RELL1: variants seen among roughly 807,000 people sequenced by gnomAD.
The protein encoded by RELL1 is RELT-like protein 1.
Under a neutral mutation model 23.0 loss-of-function variants are expected in RELL1, and 10 were observed. The observed-to-expected ratio is 0.43, with a 90% confidence interval of 0.27 to 0.74. The LOEUF is 0.74. RELL1 is among the 30% of genes least tolerant of loss of function. RELL1 has a pLI of 0.19. For synonymous variants in RELL1, 146 were observed against 146.8 expected, an observed-to-expected ratio of 0.99 and a Z score of 0.04; for missense variants, 315 against 364.4, an observed-to-expected ratio of 0.86 and a Z score of 1.10.
chr4:37,665,716 T>C (rs1721508653), intron 1 of RELL1, among the ~76,000 whole-genome samples: 3 of 152,188 alleles, frequency 2.0e-5, no homozygotes, highest in Admixed American at 6.5e-5. Flanking sequence ...CTGTCTCCAG[T>C]AGCAACGGGA....
At chr4:37,636,814 G>A (rs1212281947) in intron 4 of RELL1, among the ~76,000 whole-genome samples, 1 of 152,074 alleles carries the variant, frequency 6.6e-6, no homozygotes, top group Non-Finnish European at 1.5e-5. Flanking sequence ...ACACACAGGA[G>A]GCTGTGATGG....
At chr4:37,656,292 C>A (rs1042760814) in intron 1 of RELL1, among the ~76,000 whole-genome samples, 2 of 152,110 alleles carry the variant, frequency 1.3e-5, no homozygotes, top group African/African-American at 4.8e-5. Context: ...TATATGGTAT[C>A]TAAAATAGTC....
rs76196425 is a variant in RELL1, at chr4:37,667,125, C to T, written c.89-17625G>A. 7.1e-3 allele frequency among the ~76,000 whole-genome samples: 1,079 copies of T among 152,066 alleles called. 14 individuals are homozygous for T. Among genetic ancestry groups the T allele is most frequent in the African/African-American group, 0.025 (1,019 of 41,464 alleles). On this transcript the variant is annotated intron_variant, in intron 1 of 6. Coordinates refer to ENST00000454158, the MANE Select transcript of RELL1 (RefSeq NM_001085400.2). ...CAGAAGTAACCAGGAAAACCCTAGA[C>T]GTAGGGAAGTCAATGTTAAAGAAGA...
intron 4 of RELL1, 33 bp downstream of exon 4, chr4:37,638,414 T>C (rs1418263752): frequency 1.9e-6 from 3 of 1,542,360 alleles, no homozygotes; most frequent in Admixed American, 1.8e-5. Flanking sequence ...ACTGAAAAGA[T>C]GTCGCACTAA....
At chr4:37,590,314 G>C, downstream of RELL1, 1 of 1,613,896 alleles carries the variant, frequency 6.2e-7, no homozygotes, top group Non-Finnish European at 8.5e-7. Flanking sequence ...GCTCCCACAG[G>C]GGGACGCTGG....
At chr4:37,622,024 A>G (rs1254684489) in intron 6 of RELL1, among the ~76,000 whole-genome samples, 1 of 152,186 alleles carries the variant, frequency 6.6e-6, no homozygotes, top group East Asian at 1.9e-4. Context: ...TACTGGAGCC[A>G]CTCCCAACAA....
intron 1 of RELL1, among the ~76,000 whole-genome samples, chr4:37,657,377 A>G (rs1023685724): frequency 6.6e-6 from 1 of 152,078 alleles, no homozygotes; most frequent in Non-Finnish European, 1.5e-5. Flanking sequence ...CAAGGAGGGT[A>G]GGGTAGTTCA....
downstream of RELL1, chr4:37,588,865 C>G: frequency 6.2e-7 from 1 of 1,612,620 alleles, no homozygotes; most frequent in Non-Finnish European, 8.5e-7. Context: ...GAAAACAATC[C>G]AGATGGGGTG....
intron 1 of RELL1, among the ~76,000 whole-genome samples, chr4:37,672,836 T>G (rs1277943863): frequency 6.6e-6 from 1 of 152,202 alleles, no homozygotes; most frequent in Non-Finnish European, 1.5e-5. Flanking sequence ...GATTTACAAA[T>G]CATCCCAATG....
At chr4:37,653,086 A>C (rs943581096) in intron 1 of RELL1, among the ~76,000 whole-genome samples, 1 of 152,222 alleles carries the variant, frequency 6.6e-6, no homozygotes, top group African/African-American at 2.4e-5. Context: ...GCCAAAAGGA[A>C]AAAATTAAAC....
intron 1 of RELL1, among the ~76,000 whole-genome samples, chr4:37,670,842 G>A (rs1337976480): frequency 6.6e-6 from 1 of 152,094 alleles, no homozygotes; most frequent in African/African-American, 2.4e-5. Flanking sequence ...AAAGTGCTGG[G>A]ATAATAGGCA....
intron 6 of RELL1, among the ~76,000 whole-genome samples, chr4:37,616,231 T>G (rs142527794): frequency 2.0e-3 from 302 of 152,340 alleles, no homozygotes; most frequent in Non-Finnish European, 3.3e-3. Context: ...TGATTCCTAT[T>G]TTCATAGGAG....
intron 1 of RELL1, among the ~76,000 whole-genome samples, chr4:37,660,563 GAGGAAGAATTGCTATCAGAGCC>G (rs1721290029): frequency 6.6e-6 from 1 of 152,328 alleles, no homozygotes; most frequent in African/African-American, 2.4e-5. Context: ...CTAGTAAGGA[GAGGAAGAATTGCTATCAGAGCC>G]ATTCTTAATC....
At chr4:37,599,366 A>G (rs1718959873) in intron 6 of RELL1, among the ~76,000 whole-genome samples, 1 of 152,112 alleles carries the variant, frequency 6.6e-6, no homozygotes, top group Non-Finnish European at 1.5e-5. Flanking sequence ...GTTTGGAGTA[A>G]GCCTAAGTGT....
rs1720130069 is a variant in RELL1 at position 37,631,493 on chromosome 4, T to TGACTTGTGC, written c.702_710dup (p.His235_Ser237dup). On this transcript the variant is annotated inframe_insertion, in exon 6 of 7. Transcript: ENST00000454158. ...TCAGGCTTCTCCGTTCCTTCTGGTT[T>TGACTTGTGC]GACTTGTGCTCCACTTTTGTAACTC... 1.2e-6 allele frequency: 2 copies of TGACTTGTGC among 1,614,080 alleles called. No homozygotes were observed. Among genetic ancestry groups the TGACTTGTGC allele is most frequent in the East Asian group, 4.5e-5 (2 of 44,888 alleles).
chr4:37,644,141 C>T (rs1037102668), intron 3 of RELL1, among the ~76,000 whole-genome samples: 10 of 151,942 alleles, frequency 6.6e-5, no homozygotes, highest in Admixed American at 2.6e-4. Flanking sequence ...ACAGTAAAAA[C>T]ACAAAGGCTA....
intron 6 of RELL1, among the ~76,000 whole-genome samples, chr4:37,618,193 A>G (rs1462870695): frequency 6.6e-6 from 1 of 152,096 alleles, no homozygotes; most frequent in Non-Finnish European, 1.5e-5. Flanking sequence ...GTCTGTACAT[A>G]TAACTCTACA....
rs201799285 is a variant in RELL1, at chr4:37,679,171, AAG to A, written c.88+7027_88+7028del. On this transcript the variant is annotated intron_variant, in intron 1 of 6. Coordinates refer to ENST00000454158, the MANE Select transcript of RELL1 (RefSeq NM_001085400.2). Reference sequence around the variant, plus strand: ...TTGGGTAGATTCAGTTTCTCTTACAAAGAGAACTGTGTTAGTAACTGGCAAAA... The same window carrying A: ...TTGGGTAGATTCAGTTTCTCTTACAAAGAACTGTGTTAGTAACTGGCAAAA... Among the ~76,000 whole-genome samples, 352 of 152,322 alleles carry A rather than the reference AAG, an allele frequency of 2.3e-3. 9 individuals carry two copies. Among genetic ancestry groups the A allele is most frequent in the Admixed American group, 0.022 (329 of 15,302 alleles).
At position 37,631,492 on chromosome 4, in the gene RELL1, T is replaced by C; in HGVS notation, c.712A>G (p.Asn238Asp). The C allele has an allele frequency of 6.8e-6, 11 of 1,614,090 alleles. No individual in the cohort carries two copies. Among genetic ancestry groups the C allele is most frequent in the Non-Finnish European group, 9.3e-6 (11 of 1,180,000 alleles). ...FRVTKVEHKS[N>D]QKERRSLMSV... ...ATCAGGCTTCTCCGTTCCTTCTGGT[T>C]TGACTTGTGCTCCACTTTTGTAACT... The change falls in exon 6 of 7, where the codon AAC becomes GAC. Residue 238 changes from asparagine to aspartate, a missense_variant. Coordinates refer to ENST00000454158, the MANE Select transcript of RELL1 (RefSeq NM_001085400.2).
Sources: gnomAD v4.1 joint callset for allele counts (sites outside exome capture counted in the v4.1 genomes callset) on GRCh38, gnomAD v4.1.1 for gene constraint, MANE v1.5 for transcripts, NCBI Gene and HGNC (gene_info 2026-07-23, HGNC 2026-07-21) for gene names.